ATG16L1: variants seen among roughly 807,000 people sequenced by gnomAD.
ATG16L1 encodes autophagy related 16 like 1, also known as autophagy-related protein 16-1.
Under a neutral mutation model 88.5 loss-of-function variants are expected in ATG16L1, and 37 were observed. The observed-to-expected ratio is 0.42, with a 90% CI of 0.32 to 0.55. The LOEUF (loss-of-function observed/expected upper bound fraction) is 0.55. Among genes scored for constraint, ATG16L1 ranks in the 20% least tolerant of loss-of-function variants. The pLI is 0.13. For synonymous variants in ATG16L1, 301 were observed against 281.0 expected, an observed-to-expected ratio of 1.07 and a Z score of -0.71; for missense variants, 554 against 752.8, an observed-to-expected ratio of 0.74 and a Z score of 3.09.
rs751346339 is a variant in ATG16L1, at chr2:233,263,986, TC to T, written c.316-3del. On this transcript the variant is annotated splice_polypyrimidine_tract_variant and splice_region_variant and intron_variant, in intron 3 of 17. Coordinates refer to ENST00000392017, the MANE Select transcript of ATG16L1 (RefSeq NM_030803.7). ...ATTTATGAAAGTATTCTTCTTTATC[TC>T]CCAGTTAGCTCAACTGGTGATTGAC... 3.1e-6 allele frequency: 5 copies of T among 1,613,414 alleles called. No homozygotes were observed. The highest frequency in any genetic ancestry group is 3.4e-6 in the Non-Finnish European group (4 of 1,179,548).
Position 233,251,847 on chromosome 2 carries a change from C to T in ATG16L1, c.20C>T (p.Ala7Val). 6.5e-7 allele frequency: 1 copy of T among 1,549,946 alleles called. No homozygotes were observed. The highest frequency in any genetic ancestry group is 8.7e-7 in the Non-Finnish European group (1 of 1,146,946). MSSGLR[A>V]ADFPRWKRHI... ...AGTGACATGTCGTCGGGCCTCCGCG[C>T]CGCTGACTTCCCCCGCTGGAAGCGC... is the stretch of plus-strand genomic sequence containing the variant. Residue 7 changes from alanine (A) to valine (V), a missense_variant, in exon 1 of 18, where the codon GCC (alanine) becomes GTC (valine). Physicochemically the swap from Ala to Val is moderately conservative, Grantham distance 64. Coordinates refer to ENST00000392017, the MANE Select transcript of ATG16L1 (RefSeq NM_030803.7).
At chr2:233,292,981 C>T (rs146838481) in intron 16 of ATG16L1, among the ~76,000 whole-genome samples, 238 of 152,306 alleles carry the variant, frequency 1.6e-3, no homozygotes, top group African/African-American at 5.5e-3. Flanking sequence ...GCTTTGATCT[C>T]CCTATATGTT....
chr2:233,275,473 T>C, intron 9 of ATG16L1: 1 of 347,148 alleles, frequency 2.9e-6, no homozygotes, highest in South Asian at 2.2e-5. Context: ...AGCGGGTAAG[T>C]GAAAGGAGCC....
At chr2:233,258,029 CTA>C (rs1559377614) in intron 2 of ATG16L1, among the ~76,000 whole-genome samples, 1 of 145,404 alleles carries the variant, frequency 6.9e-6, no homozygotes, top group Non-Finnish European at 1.5e-5. Flanking sequence ...ATCTATATAT[CTA>C]TATATCTATA....
intron 2 of ATG16L1, among the ~76,000 whole-genome samples, chr2:233,257,178 C>T (rs1228129509): frequency 2.6e-5 from 4 of 152,126 alleles, no homozygotes; most frequent in African/African-American, 7.2e-5. Context: ...CACAGGCACC[C>T]GCCACCACGC....
At chr2:233,287,509 TACTCTTA>T (rs1249145928) in intron 12 of ATG16L1, among the ~76,000 whole-genome samples, 2 of 152,260 alleles carry the variant, frequency 1.3e-5, no homozygotes, top group Non-Finnish European at 2.9e-5. Context: ...AATGTGATTT[TACTCTTA>T]ACATTAAGAA....
At chr2:233,279,927 T>G (rs1267934971) in intron 10 of ATG16L1, among the ~76,000 whole-genome samples, 2 of 152,258 alleles carry the variant, frequency 1.3e-5, no homozygotes, top group East Asian at 3.8e-4. Flanking sequence ...GCCAAAGAGA[T>G]ATTTCTTAGA....
intron 10 of ATG16L1, among the ~76,000 whole-genome samples, chr2:233,280,628 T>G (rs1010880172): frequency 1.3e-5 from 2 of 152,236 alleles, no homozygotes; most frequent in African/African-American, 4.8e-5. Context: ...TTTTCACACC[T>G]TAATGAAAAT....
intron 11 of ATG16L1, among the ~76,000 whole-genome samples, chr2:233,281,901 A>T (rs763722950): frequency 6.6e-6 from 1 of 152,058 alleles, no homozygotes; most frequent in African/African-American, 2.4e-5. Flanking sequence ...GTGGTGGTCT[A>T]TATCTGTTTC....
At chr2:233,253,021 C>T (rs1306633355) in intron 1 of ATG16L1, among the ~76,000 whole-genome samples, 1 of 152,082 alleles carries the variant, frequency 6.6e-6, no homozygotes, top group East Asian at 1.9e-4. Context: ...ATTACAAATC[C>T]CAAGCCACAC....
chr2:233,274,019 C>T (rs780004910), intron 8 of ATG16L1: 114 of 1,550,762 alleles, frequency 7.4e-5, no homozygotes, highest in Admixed American at 2.0e-4. Flanking sequence ...TTTGGGACAT[C>T]ATTCTTCTTC....
intron 14 of ATG16L1, among the ~76,000 whole-genome samples, chr2:233,291,020 T>TA (rs1699430142): frequency 6.6e-6 from 1 of 152,158 alleles, no homozygotes; most frequent in South Asian, 2.1e-4. Flanking sequence ...ATAGAGTTGA[T>TA]AAGGACCTAA....
Position 233,254,479 on chromosome 2 carries a change from C to A in ATG16L1, c.116-1623C>A, listed in dbSNP as rs182969691. Reference sequence around the variant, plus strand: ...ATCAGCCTGGAGTCTATTCTCTGTTCAGTCCGTGCCTTTGAGTCTGAAGAG... The same window carrying A: ...ATCAGCCTGGAGTCTATTCTCTGTTAAGTCCGTGCCTTTGAGTCTGAAGAG... On this transcript the variant is annotated intron_variant, in intron 1 of 17. Coordinates refer to ENST00000392017, the MANE Select transcript of ATG16L1 (RefSeq NM_030803.7). 4.1e-4 allele frequency among the ~76,000 whole-genome samples: 63 copies of A among 152,342 alleles called. 1 individual carries two copies. The highest frequency in any genetic ancestry group is 2.6e-4 in the Admixed American group (4 of 15,302).
At chr2:233,277,359 A>T (rs1399080600) in intron 9 of ATG16L1, 1 of 481,146 alleles carries the variant, frequency 2.1e-6, no homozygotes, top group East Asian at 3.7e-5. Context: ...AGAAGGTTGC[A>T]CTGCACTCTA....
intron 12 of ATG16L1, 84 bp downstream of exon 12, chr2:233,282,837 G>A (rs1366102359): frequency 3.9e-6 from 5 of 1,271,052 alleles, no homozygotes; most frequent in Non-Finnish European, 5.7e-6. Context: ...GCTTAATTAG[G>A]GGACTTTGTT....
intron 3 of ATG16L1, 63 bp from the exon 4 acceptor site, chr2:233,263,927 CTG>C (rs1697386686): frequency 1.9e-5 from 28 of 1,501,396 alleles, no homozygotes; most frequent in Non-Finnish European, 2.6e-5. Flanking sequence ...TCGCCACCCA[CTG>C]TGTAGTTTCC....
rs759178006 is a variant in ATG16L1, at chr2:233,275,936, A to T, written c.954+1158A>T. ...ACGAGTATCCAACAAAACCAGTTAC[A>T]CAGGAGACTGACGAGTGGCAGTCAT... On this transcript the variant is annotated intron_variant, in intron 9 of 17. Transcript: ENST00000392017. The T allele has an allele frequency of 1.9e-5, 10 of 519,076 alleles. No homozygotes were observed. The East Asian group carries it at 5.4e-4, about 28-fold the overall frequency. 32.2% of individuals were successfully genotyped at this position (519,076 alleles called of 1,614,324 possible).
intron 14 of ATG16L1, among the ~76,000 whole-genome samples, chr2:233,291,659 C>T (rs1699471225): frequency 6.6e-6 from 1 of 152,132 alleles, no homozygotes; most frequent in African/African-American, 2.4e-5. Context: ...CCCTGGCTTT[C>T]CTGGCCCCAT....
chr2:233,273,927 T>C, intron 8 of ATG16L1, 150 bp downstream of exon 8: 1 of 1,531,196 alleles, frequency 6.5e-7, no homozygotes, highest in Non-Finnish European at 8.9e-7. Flanking sequence ...AGCTTCTTCC[T>C]TTTTTCCTCA....
Sources: allele counts gnomAD v4.1 joint callset (sites outside exome capture counted in the v4.1 genomes callset), GRCh38; gene constraint gnomAD v4.1.1; transcripts MANE v1.5; gene names NCBI Gene and HGNC (gene_info 2026-07-23, HGNC 2026-07-21).